The following KCTD16 variants were observed in gnomAD, a reference collection of about 807,000 sequenced individuals.
KCTD16 encodes the protein potassium channel tetramerization domain containing 16, also known as BTB/POZ domain-containing protein KCTD16.
Under a neutral mutation model 33.2 loss-of-function variants are expected in KCTD16, and 13 were observed. The ratio of observed to expected loss-of-function variants is 0.39; its 90% CI spans 0.25 to 0.62. The LOEUF (loss-of-function observed/expected upper bound fraction) is 0.62. Ranked by LOEUF, KCTD16 falls within the 20% of genes least tolerant of loss-of-function variation. The probability of loss-of-function intolerance (pLI) is 0.50; values close to 1 mark genes in which losing one functional copy is unlikely to be tolerated. For missense variants in KCTD16, 441 were observed against 525.1 expected (o/e 0.84, Z 1.57); for synonymous variants, 197 against 195.3 (o/e 1.01, Z -0.07).
chr5:144,346,581 C>CA (rs2126903956), intron 3 of KCTD16, among the ~76,000 whole-genome samples: 1 of 152,160 alleles, frequency 6.6e-6, no homozygotes, highest in East Asian at 1.9e-4. Flanking sequence ...TATCTCATTG[C>CA]AGTTTTGATT....
intron 3 of KCTD16, among the ~76,000 whole-genome samples, chr5:144,337,531 G>C (rs1281780346): frequency 6.6e-6 from 1 of 151,584 alleles, no homozygotes. Flanking sequence ...TGTGATGTAA[G>C]TGTTACATTT....
chr5:144,190,226 G>A (rs1752814780), intron 2 of KCTD16, among the ~76,000 whole-genome samples: 1 of 152,106 alleles, frequency 6.6e-6, no homozygotes, highest in Non-Finnish European at 1.5e-5. Flanking sequence ...CAATTCCAAG[G>A]CAGAGTCCAT....
At chr5:144,205,282 G>C (rs976456776) in intron 2 of KCTD16, 1 of 342,122 alleles carries the variant, frequency 2.9e-6, no homozygotes, top group Non-Finnish European at 5.2e-6. Flanking sequence ...TGTCACCGAG[G>C]AGGACGTGAC....
At chr5:144,336,893 C>T (rs1449437678) in intron 3 of KCTD16, among the ~76,000 whole-genome samples, 2 of 151,882 alleles carry the variant, frequency 1.3e-5, no homozygotes, top group South Asian at 2.1e-4. Flanking sequence ...GCTGAGATCC[C>T]GGTAATTCAA....
chr5:144,272,385 G>A (rs1163954486), intron 3 of KCTD16, among the ~76,000 whole-genome samples: 1 of 152,032 alleles, frequency 6.6e-6, no homozygotes, highest in Non-Finnish European at 1.5e-5. Context: ...AGCTGAGGTT[G>A]CACCATTGGA....
intron 3 of KCTD16, among the ~76,000 whole-genome samples, chr5:144,258,809 A>G (rs530616751): frequency 5.9e-5 from 9 of 152,176 alleles, no homozygotes; most frequent in African/African-American, 2.2e-4. Context: ...CTATTATGTC[A>G]TTTTATAGAT....
chr5:144,202,334 G>A (rs1250603139), intron 2 of KCTD16, among the ~76,000 whole-genome samples: 1 of 152,168 alleles, frequency 6.6e-6, no homozygotes, highest in East Asian at 1.9e-4. Context: ...CCAAACAGCC[G>A]GGCTTACCGA....
intron 3 of KCTD16, among the ~76,000 whole-genome samples, chr5:144,324,867 G>T (rs1218788545): frequency 6.6e-6 from 1 of 152,182 alleles, no homozygotes; most frequent in Middle Eastern, 3.2e-3. Flanking sequence ...TTAAGTGGGA[G>T]CTGAATAATG....
chr5:144,436,525 G>A (rs931444071), intron 3 of KCTD16, among the ~76,000 whole-genome samples: 10 of 152,042 alleles, frequency 6.6e-5, no homozygotes, highest in Admixed American at 5.2e-4. Flanking sequence ...TACCTACTAG[G>A]CCTGTGTCCA....
intron 3 of KCTD16, among the ~76,000 whole-genome samples, chr5:144,345,491 A>G (rs944126642): frequency 2.0e-5 from 3 of 152,072 alleles, no homozygotes; most frequent in South Asian, 2.1e-4. Context: ...TCTCAACCAC[A>G]TTATTTATCT....
chr5:144,294,491 A>AT (rs11357038), intron 3 of KCTD16, among the ~76,000 whole-genome samples: 12 of 149,548 alleles, frequency 8.0e-5, no homozygotes, highest in East Asian at 7.9e-4. Flanking sequence ...ATATAAACTT[A>AT]TTTTTTTTTT....
At chr5:144,345,543 C>G (rs904776577) in intron 3 of KCTD16, among the ~76,000 whole-genome samples, 3 of 151,862 alleles carry the variant, frequency 2.0e-5, no homozygotes, top group Admixed American at 6.6e-5. Flanking sequence ...TTGGGTTTTT[C>G]TTCCTCTTAT....
At position 144,480,003 on chromosome 5, in the gene KCTD16, C is replaced by T. The variant is rs1754673340; in HGVS notation, c.*5889C>T. 6.6e-6 allele frequency: 1 copy of T among 151,908 alleles called. No individual in the cohort carries two copies. Among genetic ancestry groups the T allele is most frequent in the Non-Finnish European group, 1.5e-5 (1 of 67,936 alleles). 9.4% of individuals were successfully genotyped at this position (151,908 alleles called of 1,614,324 possible). On this transcript the variant is annotated 3_prime_UTR_variant, in exon 4 of 4. Coordinates refer to ENST00000512467, the MANE Select transcript of KCTD16 (RefSeq NM_020768.4). ...TTATCAGTTTATTTTTAGAATTGAC[C>T]TTTAGATAATTTACCTGCATTTGCA...
At chr5:144,282,821 AG>A (rs1469494009) in intron 3 of KCTD16, among the ~76,000 whole-genome samples, 1 of 152,176 alleles carries the variant, frequency 6.6e-6, no homozygotes, top group Non-Finnish European at 1.5e-5. Flanking sequence ...TTCAAATCAC[AG>A]GGGCTCCTTT....
At position 144,475,776 on chromosome 5, in the gene KCTD16, A is replaced by C. The variant is rs778497527; in HGVS notation, c.*1662A>C. ...TCCTTTTGAAATCTTTCATTGATGC[A>C]CATTTATTATGTAAGATGTTCTGTC... On this transcript the variant is annotated 3_prime_UTR_variant, in exon 4 of 4. Transcript: ENST00000512467. 2 of 152,646 alleles carry C rather than the reference A, an allele frequency of 1.3e-5. No individual in the cohort carries two copies. Among genetic ancestry groups the C allele is most frequent in the African/African-American group, 2.4e-5 (1 of 41,458 alleles). 9.5% of individuals were successfully genotyped at this position (152,646 alleles called of 1,614,324 possible).
intron 3 of KCTD16, among the ~76,000 whole-genome samples, chr5:144,398,680 T>C (rs907466796): frequency 2.0e-5 from 3 of 151,132 alleles, no homozygotes; most frequent in African/African-American, 7.4e-5. Flanking sequence ...CTAATATAAA[T>C]ACCTTTGAAT....
chr5:144,399,818 G>A (rs571210936), intron 3 of KCTD16, among the ~76,000 whole-genome samples: 2 of 152,296 alleles, frequency 1.3e-5, no homozygotes, highest in South Asian at 4.1e-4. Context: ...TCTAGAGCTT[G>A]ATGTGAGCAA....
At chr5:144,305,923 A>G (rs1307000563) in intron 3 of KCTD16, among the ~76,000 whole-genome samples, 1 of 152,224 alleles carries the variant, frequency 6.6e-6, no homozygotes, top group Non-Finnish European at 1.5e-5. Flanking sequence ...TTGATCCTGG[A>G]CTTCTAGCCT....
At chr5:144,440,171 C>T (rs960112090) in intron 3 of KCTD16, among the ~76,000 whole-genome samples, 1 of 152,142 alleles carries the variant, frequency 6.6e-6, no homozygotes, top group Non-Finnish European at 1.5e-5. Context: ...TTATACTAAA[C>T]ATTTCCTTGA....
Sources: gnomAD v4.1 joint callset for allele counts (sites outside exome capture counted in the v4.1 genomes callset) on GRCh38, gnomAD v4.1.1 for gene constraint, MANE v1.5 for transcripts, NCBI Gene and HGNC (gene_info 2026-07-23, HGNC 2026-07-21) for gene names.